Variants in ASAP1 observed in about 807,000 individuals in gnomAD.
The protein encoded by ASAP1 is ArfGAP with SH3 domain, ankyrin repeat and PH domain 1, also known as arf-GAP with SH3 domain, ANK repeat and PH domain-containing protein 1.
In ASAP1, 43 loss-of-function variants were observed where a neutral mutation model predicts 145.2. The observed-to-expected ratio is 0.30, with a 90% CI of 0.23 to 0.38. The LOEUF (loss-of-function observed/expected upper bound fraction) is 0.38, where lower values mean the gene tolerates loss of function less well. ASAP1 is among the 10% of genes least tolerant of loss of function. The pLI, the probability that ASAP1 is intolerant of heterozygous loss-of-function variation, is 1.00. For missense variants in ASAP1, 1,018 were observed against 1,355.3 expected, an observed-to-expected ratio of 0.75 and a Z score of 3.91; for synonymous variants, 546 against 515.5, an observed-to-expected ratio of 1.06 and a Z score of -0.80.
rs976813485 is a variant in ASAP1 at position 130,364,081 on chromosome 8, C to T, written c.60-5938G>A. On this transcript the variant is annotated intron_variant, in intron 2 of 29. Transcript: ENST00000518721. ...TAATAATAATTAAAAAAAGCCAATT[C>T]TAGTCCCAAATGTACTTAATTCAAT... Among the ~76,000 whole-genome samples, 7 of 152,158 alleles carry T rather than the reference C, an allele frequency of 4.6e-5. No individual in the cohort carries two copies. In the South Asian group the frequency reaches 1.2e-3, roughly 27 times the overall value.
At chr8:130,282,667 T>G (rs1273926004) in intron 3 of ASAP1, among the ~76,000 whole-genome samples, 2 of 152,192 alleles carry the variant, frequency 1.3e-5, no homozygotes, top group Non-Finnish European at 2.9e-5. Flanking sequence ...ATTTGGCAAT[T>G]ACCCAACAAA....
chr8:130,163,635 T>C (rs2097674123), intron 11 of ASAP1, among the ~76,000 whole-genome samples: 1 of 152,202 alleles, frequency 6.6e-6, no homozygotes, highest in Non-Finnish European at 1.5e-5. Context: ...CAGGGCACTC[T>C]AGACAAATGC....
intron 3 of ASAP1, among the ~76,000 whole-genome samples, chr8:130,289,558 G>A (rs998066735): frequency 6.6e-6 from 1 of 152,204 alleles, no homozygotes; most frequent in Non-Finnish European, 1.5e-5. Flanking sequence ...AAAGACTGGG[G>A]AGGCGAAGAC....
chr8:130,115,416 G>C (rs1282232221), intron 23 of ASAP1, among the ~76,000 whole-genome samples: 1 of 152,140 alleles, frequency 6.6e-6, no homozygotes, highest in Non-Finnish European at 1.5e-5. Flanking sequence ...AAATTTCTCT[G>C]TCTCTCTCCC....
intron 11 of ASAP1, among the ~76,000 whole-genome samples, chr8:130,166,967 A>G (rs1378134693): frequency 1.3e-5 from 2 of 152,244 alleles, no homozygotes; most frequent in African/African-American, 4.8e-5. Flanking sequence ...ATGTTTCAGC[A>G]TATGCTCCTG....
At chr8:130,109,994 C>T (rs1237572453) in intron 24 of ASAP1, among the ~76,000 whole-genome samples, 1 of 152,148 alleles carries the variant, frequency 6.6e-6, no homozygotes. Context: ...GTACTGTATC[C>T]TTAGATGACC....
chr8:130,260,502 T>C (rs62525921), intron 3 of ASAP1, among the ~76,000 whole-genome samples: 28,090 of 152,122 alleles, frequency 0.18, 3,287 homozygotes, highest in East Asian at 0.45. Context: ...AAACCTGAAA[T>C]CCTGAGAGGT....
At position 130,358,564 on chromosome 8, in the gene ASAP1, G is replaced by A. The variant is rs2138154218; in HGVS notation, c.60-421C>T. Among the ~76,000 whole-genome samples, 1 of 147,646 alleles carries A rather than the reference G, an allele frequency of 6.8e-6. No individual in the cohort carries two copies. The highest frequency in any genetic ancestry group is 2.4e-5 in the African/African-American group (1 of 40,996). ...CGCCCGGCGCTGCCTCCTCAGACGC[G>A]CTGACAGGCGGCGGCGCGGGCCTGA... On this transcript the variant is annotated intron_variant, in intron 2 of 29. Coordinates refer to ENST00000518721, the MANE Select transcript of ASAP1 (RefSeq NM_018482.4). This position sits in a 1 kb window ranked among gnomAD's most constrained non-coding sequence, Gnocchi z 4.1.
At chr8:130,240,524 T>A (rs1818459992) in intron 3 of ASAP1, among the ~76,000 whole-genome samples, 1 of 152,052 alleles carries the variant, frequency 6.6e-6, no homozygotes, top group South Asian at 2.1e-4. Flanking sequence ...ATATGTAAAA[T>A]TAAATAAGGG....
At chr8:130,156,881 G>T (rs1038747255) in intron 12 of ASAP1, among the ~76,000 whole-genome samples, 3 of 152,154 alleles carry the variant, frequency 2.0e-5, no homozygotes, top group Non-Finnish European at 4.4e-5. Flanking sequence ...AAAGACTGTT[G>T]ATCTTCCTTG....
intron 1 of ASAP1, among the ~76,000 whole-genome samples, chr8:130,417,601 C>T (rs1829539914): frequency 6.7e-6 from 1 of 150,142 alleles, no homozygotes; most frequent in African/African-American, 2.5e-5. Context: ...GAAAACCCCA[C>T]AAGTCCTGGC....
At chr8:130,333,512 G>C (rs1325033474) in intron 3 of ASAP1, among the ~76,000 whole-genome samples, 1 of 152,230 alleles carries the variant, frequency 6.6e-6, no homozygotes, top group Non-Finnish European at 1.5e-5. Flanking sequence ...GCTGAGGCTG[G>C]AGAGTAGCTT....
At chr8:130,122,403 G>C (rs181435913) in intron 18 of ASAP1, among the ~76,000 whole-genome samples, 222 of 152,326 alleles carry the variant, frequency 1.5e-3, no homozygotes, top group African/African-American at 5.2e-3. Context: ...TTCACTTTAT[G>C]CTTCTGGGTC....
intron 3 of ASAP1, among the ~76,000 whole-genome samples, chr8:130,318,568 G>A (rs1021154121): frequency 3.3e-5 from 5 of 152,314 alleles, no homozygotes; most frequent in African/African-American, 1.2e-4. Flanking sequence ...AAGGGCAAAT[G>A]ACACAGCGAA....
chr8:130,205,382 G>GGA (rs1254215233), intron 5 of ASAP1, among the ~76,000 whole-genome samples: 1 of 57,056 alleles, frequency 1.8e-5, no homozygotes, highest in African/African-American at 6.0e-5. Flanking sequence ...ATCCTTATAA[G>GGA]AAAAAAAAAA....
At chr8:130,243,423 G>C (rs1818661173) in intron 3 of ASAP1, among the ~76,000 whole-genome samples, 1 of 152,144 alleles carries the variant, frequency 6.6e-6, no homozygotes, top group Non-Finnish European at 1.5e-5. Flanking sequence ...TGACATGAAT[G>C]AAAGGAATGA....
At chr8:130,123,137 T>G (rs897681535) in intron 18 of ASAP1, among the ~76,000 whole-genome samples, 2 of 152,226 alleles carry the variant, frequency 1.3e-5, no homozygotes, top group Non-Finnish European at 2.9e-5. Flanking sequence ...TGCCTACAGA[T>G]GGATACTTGT....
At position 130,228,922 on chromosome 8, in the gene ASAP1, C is replaced by T. The variant is rs559737128; in HGVS notation, c.259+8000G>A. On this transcript the variant is annotated intron_variant, in intron 4 of 29. Transcript: ENST00000518721. Reference sequence around the variant, plus strand: ...AAAACACCAGTGAGAAAAATCAGCACGGGGTGTTCCAGTCCCCCCAGCACC... The same window carrying T: ...AAAACACCAGTGAGAAAAATCAGCATGGGGTGTTCCAGTCCCCCCAGCACC... Among the ~76,000 whole-genome samples the T allele has an allele frequency of 1.3e-4, 20 of 152,126 alleles. No homozygotes were observed. In the East Asian group the frequency reaches 1.7e-3, roughly 13 times the overall value.
intron 5 of ASAP1, among the ~76,000 whole-genome samples, chr8:130,195,826 A>G (rs1815446710): frequency 6.6e-6 from 1 of 152,232 alleles, no homozygotes; most frequent in East Asian, 1.9e-4. Context: ...CCGTTATCCT[A>G]GTCACTGGAG....
Sources: allele counts gnomAD v4.1 joint callset (sites outside exome capture counted in the v4.1 genomes callset), GRCh38; gene constraint gnomAD v4.1.1; non-coding constraint Gnocchi (gnomAD v3.1); transcripts MANE v1.5; gene names NCBI Gene and HGNC (gene_info 2026-07-23, HGNC 2026-07-21).